The following ATP2C1 variants were observed in gnomAD, a reference collection of about 807,000 sequenced individuals.
ATP2C1 encodes the protein calcium-transporting ATPase type 2C member 1.
A neutral mutation model predicts 120.5 loss-of-function variants in ATP2C1; 31 were observed. The ratio of observed to expected loss-of-function variants is 0.26; its 90% CI spans 0.19 to 0.35. The LOEUF is 0.35. ATP2C1 is among the 10% of genes least tolerant of loss of function. The pLI, the probability that ATP2C1 is intolerant of heterozygous loss-of-function variation, is 1.00. For synonymous variants in ATP2C1, 351 were observed against 358.7 expected (o/e 0.98, Z 0.24); for missense variants, 731 against 1,107.5 (o/e 0.66, Z 4.83).
chr3:130,934,663 C>T lies in ATP2C1; in HGVS notation c.276C>T (p.Val92=). 1.2e-6 allele frequency: 2 copies of T among 1,613,436 alleles called. No homozygotes were observed. The highest frequency in any genetic ancestry group is 4.5e-5 in the East Asian group (2 of 44,844). ...TTATGCTGCTTCTGGCTTCTGCAGT[C>T]ATCAGTGTTTTAATGCATCAGTTTG... ...PLIMLLLASA[V]ISVLMHQFDD... is the part of the protein sequence containing the mutation. Residue 92 remains valine (V), a synonymous_variant, in exon 5 of 28, where the codon GTC becomes GTT. Coordinates refer to ENST00000510168, the MANE Select transcript of ATP2C1 (RefSeq NM_001378687.1).
Position 131,002,552 on chromosome 3 carries a change from TC to T in ATP2C1, c.*1203del, listed in dbSNP as rs886057988. The T allele has an allele frequency of 1.5e-5, 15 of 985,302 alleles. No individual in the cohort carries two copies. The highest frequency in any genetic ancestry group is 5.2e-4 in the Middle Eastern group (1 of 1,936). 61.0% of individuals were successfully genotyped at this position (985,302 alleles called of 1,614,324 possible). A position where few individuals can be genotyped will look rare whatever the true frequency, so the allele number is the denominator to read the frequency against. On this transcript the variant is annotated 3_prime_UTR_variant, in exon 28 of 28. Transcript: ENST00000510168. The stretch of plus-strand genomic sequence containing the variant: ...TAGGTGGATTTTGTGTGTAATGCCA[TC>T]AGTTTTTATGAAAGCTTGATGAGGT...
At chr3:130,967,854 G>A (rs1482420139) in intron 16 of ATP2C1, among the ~76,000 whole-genome samples, 2 of 152,052 alleles carry the variant, frequency 1.3e-5, no homozygotes, top group Non-Finnish European at 2.9e-5. Flanking sequence ...TCTCTCCTTT[G>A]TTAATTTCTC....
At chr3:130,876,446 A>G (rs2068607536) in intron 1 of ATP2C1, among the ~76,000 whole-genome samples, 1 of 151,814 alleles carries the variant, frequency 6.6e-6, no homozygotes, top group Non-Finnish European at 1.5e-5. Flanking sequence ...AAATAGTTGG[A>G]TTCATTTCTA....
chr3:130,894,102 G>A lies in ATP2C1; in HGVS notation c.-416G>A, dbSNP rs2069348574. ...CGGGAGCAGACCAGCACGGCCTCGC[G>A]GAGCCGGCCCGGCGGACCGTGACGG... On this transcript the variant is annotated 5_prime_UTR_variant, in exon 1 of 28. Transcript: ENST00000510168. This position sits in a 1 kb window ranked among gnomAD's most constrained non-coding sequence, Gnocchi z 4.5. The A allele has an allele frequency of 8.2e-6, 8 of 975,928 alleles. No individual in the cohort carries two copies. In the South Asian group the frequency reaches 3.8e-4, roughly 46 times the overall value. 60.5% of individuals were successfully genotyped at this position (975,928 alleles called of 1,614,324 possible).
chr3:130,993,000 A>C lies in ATP2C1; in HGVS notation c.1889A>C (p.Lys630Thr). Residue 630 changes from lysine to threonine, a missense_variant and splice_region_variant, in exon 21 of 28, where the codon AAG becomes ACG. Physicochemically the swap from Lys to Thr is moderately conservative, Grantham distance 78. Around this residue, in one of 3 missense-constraint regions of ATP2C1, gnomAD observed 571 missense variants for 845.9 expected, o/e 0.67. Coordinates refer to ENST00000510168, the MANE Select transcript of ATP2C1 (RefSeq NM_001378687.1). The stretch of plus-strand genomic sequence containing the variant: ...CCAAGGCACAAGATGAAAATTATTA[A>C]GGTGAGTGTGTAAGAATCAGATTGT... Reference protein sequence around the residue: ...ASPRHKMKIIKSLQKNGSVVA... With the variant: ...ASPRHKMKIITSLQKNGSVVA... 1.2e-6 allele frequency: 2 copies of C among 1,611,454 alleles called. No homozygotes were observed. The highest frequency in any genetic ancestry group is 1.7e-6 in the Non-Finnish European group (2 of 1,177,804).
chr3:130,999,674 A>T lies in ATP2C1; in HGVS notation c.2629+15A>T. 1 of 1,601,838 alleles carries T rather than the reference A, an allele frequency of 6.2e-7. No individual in the cohort carries two copies. Among genetic ancestry groups the T allele is most frequent in the Non-Finnish European group, 8.6e-7 (1 of 1,169,354 alleles). On this transcript the variant is annotated intron_variant, in intron 27 of 27. Coordinates refer to ENST00000510168, the MANE Select transcript of ATP2C1 (RefSeq NM_001378687.1). ...AAGCATACTGGGTAAAGAAAACGTT[A>T]TCTTTATCATTTATGTATTTTAGAT...
At chr3:131,014,409 T>C (rs769354028) in intron 26 of ATP2C1, 1 of 1,540,378 alleles carries the variant, frequency 6.5e-7, no homozygotes, top group Non-Finnish European at 8.7e-7. Flanking sequence ...AAGAAAAAAG[T>C]ATGTTGTTAA....
intron 1 of ATP2C1, among the ~76,000 whole-genome samples, chr3:130,883,347 T>C (rs1288447584): frequency 6.6e-6 from 1 of 152,210 alleles, no homozygotes; most frequent in African/African-American, 2.4e-5. Flanking sequence ...AACTTATTTC[T>C]GCTCTGATCT....
intron 26 of ATP2C1, among the ~76,000 whole-genome samples, chr3:131,008,768 A>G (rs1034702649): frequency 2.6e-5 from 4 of 152,090 alleles, no homozygotes; most frequent in Admixed American, 6.5e-5. Flanking sequence ...CTACCCTCCA[A>G]TCTCCCAACA....
chr3:131,003,984 A>T (rs1216339717), downstream of ATP2C1, among the ~76,000 whole-genome samples: 12 of 152,192 alleles, frequency 7.9e-5, no homozygotes, highest in Admixed American at 3.9e-4. Flanking sequence ...TTAGATGATG[A>T]ACTGGTTATC....
intron 17 of ATP2C1, among the ~76,000 whole-genome samples, chr3:130,970,369 T>TACACAC (rs201337484): frequency 0.24 from 31,243 of 130,490 alleles, 4,424 homozygotes; most frequent in Middle Eastern, 0.33. Flanking sequence ...AAAAAAAAAT[T>TACACAC]ACACACACAC....
At chr3:130,921,805 T>A (rs1316330936) in intron 2 of ATP2C1, among the ~76,000 whole-genome samples, 3 of 152,204 alleles carry the variant, frequency 2.0e-5, no homozygotes, top group Non-Finnish European at 4.4e-5. Flanking sequence ...ATTTCCCTGG[T>A]ATGAAACCCA....
chr3:130,918,486 T>G, intron 2 of ATP2C1: 1 of 794,940 alleles, frequency 1.3e-6, no homozygotes, highest in Non-Finnish European at 2.3e-6. Context: ...TTTAGAAGTC[T>G]TTGGATTTGC....
Position 130,894,348 on chromosome 3 carries a change from G to A in ATP2C1, c.-181+11G>A. The A allele has an allele frequency of 1.9e-6, 2 of 1,064,538 alleles. No individual in the cohort carries two copies. Among genetic ancestry groups the A allele is most frequent in the Non-Finnish European group, 2.3e-6 (2 of 874,694 alleles). The allele number at this position is 1,064,538 out of a possible 1,614,324, so 65.9% of individuals were successfully genotyped here. A position where few individuals can be genotyped will look rare whatever the true frequency, so the allele number is the denominator to read the frequency against. On this transcript the variant is annotated intron_variant, in intron 1 of 27. Transcript: ENST00000510168. This position sits in a 1 kb window ranked among gnomAD's most constrained non-coding sequence, Gnocchi z 4.5. ...TGTCCGGGGCTTTGGGTGGGTACCA[G>A]TATTACCTCCTGCCCCCATTTCTAG...
chr3:131,006,063 T>G (rs2063637), downstream of ATP2C1, among the ~76,000 whole-genome samples: 19,592 of 152,240 alleles, frequency 0.13, 1,574 homozygotes, highest in East Asian at 0.17. Context: ...AACAGCTACT[T>G]ACTCTGAATG....
At chr3:130,961,159 A>T (rs538124104) in intron 12 of ATP2C1, among the ~76,000 whole-genome samples, 10 of 152,180 alleles carry the variant, frequency 6.6e-5, no homozygotes, top group African/African-American at 2.4e-4. Context: ...CATGGGTTAA[A>T]TATAAAATAC....
intron 26 of ATP2C1, among the ~76,000 whole-genome samples, chr3:131,008,421 CT>C (rs1171724422): frequency 7.7e-6 from 1 of 130,494 alleles, no homozygotes; most frequent in African/African-American, 3.0e-5. Context: ...ACAAGACTGT[CT>C]CAAAAAAAAA....
At chr3:130,981,190 T>C (rs1423983345) in intron 20 of ATP2C1, among the ~76,000 whole-genome samples, 1 of 152,160 alleles carries the variant, frequency 6.6e-6, no homozygotes, top group Non-Finnish European at 1.5e-5. Flanking sequence ...TTAGGCCTTT[T>C]TGTGGTACCT....
rs1180289135 is a variant in ATP2C1 at position 130,894,562 on chromosome 3, G to A, written c.-180-28G>A. ...GAACTCCTTCCTCAGCCTCTCGTCA[G>A]CGCCGCTTCTCCTGGTTTCTCTTGC... On this transcript the variant is annotated intron_variant, in intron 1 of 27. Coordinates refer to ENST00000510168, the MANE Select transcript of ATP2C1 (RefSeq NM_001378687.1). The surrounding 1 kb of genome is among the most constrained non-coding windows in gnomAD (Gnocchi z 4.5). The A allele has an allele frequency of 4.2e-6, 6 of 1,430,480 alleles. No homozygotes were observed. The East Asian group carries it at 1.0e-4, about 24-fold the overall frequency. The allele number at this position is 1,430,480 out of a possible 1,614,324, so 88.6% of individuals were successfully genotyped here.
Sources: allele counts gnomAD v4.1 joint callset (sites outside exome capture counted in the v4.1 genomes callset), GRCh38; gene constraint gnomAD v4.1.1; regional missense constraint gnomAD v4.1.1; non-coding constraint Gnocchi (gnomAD v3.1); transcripts MANE v1.5; gene names NCBI Gene and HGNC (gene_info 2026-07-23, HGNC 2026-07-21).